The following IL1RAP variants were observed in gnomAD, a reference collection of about 807,000 sequenced individuals.
IL1RAP encodes the protein interleukin 1 receptor accessory protein, also known as interleukin-1 receptor accessory protein.
A neutral mutation model predicts 60.7 loss-of-function variants in IL1RAP; 35 were observed. That is an observed-to-expected ratio of 0.58 (90% CI 0.44 to 0.76). IL1RAP has a LOEUF of 0.76. IL1RAP is among the 30% of genes least tolerant of loss of function. IL1RAP has a pLI of 0.00. For missense variants in IL1RAP, 572 were observed against 693.9 expected (o/e 0.82, Z 1.97); for synonymous variants, 268 against 250.9 (o/e 1.07, Z -0.64).
intron 3 of IL1RAP, among the ~76,000 whole-genome samples, chr3:190,599,383 T>C (rs2108740763): frequency 6.6e-6 from 1 of 152,334 alleles, no homozygotes; most frequent in East Asian, 1.9e-4. Context: ...AGGTTCTAGG[T>C]TGGAAATACT....
At chr3:190,546,281 G>C (rs951177084) in intron 1 of IL1RAP, among the ~76,000 whole-genome samples, 1 of 152,078 alleles carries the variant, frequency 6.6e-6, no homozygotes, top group Non-Finnish European at 1.5e-5. Context: ...TCCCCTAAGA[G>C]GCTTTCTCCC....
intron 11 of IL1RAP, among the ~76,000 whole-genome samples, chr3:190,647,196 G>T (rs187434341): frequency 6.6e-6 from 1 of 152,270 alleles, no homozygotes; most frequent in East Asian, 1.9e-4. Context: ...TCAGCCTCCA[G>T]TGCCACTGCT....
Position 190,604,230 on chromosome 3 carries a change from T to C in IL1RAP, c.167T>C (p.Phe56Ser), listed in dbSNP as rs1320741454. 1 of 1,614,062 alleles carries C rather than the reference T, an allele frequency of 6.2e-7. No individual in the cohort carries two copies. The highest frequency in any genetic ancestry group is 2.2e-5 in the East Asian group (1 of 44,862). Residue 56 changes from phenylalanine to serine, a missense_variant, in exon 4 of 12, where the codon TTC becomes TCC. Transcript: ENST00000447382. ...CCACTCTTTGAACACTTCTTGAAAT[T>C]CAACTACAGCACAGCCCATTCAGCT... ...KCPLFEHFLK[F>S]NYSTAHSAGL...
At chr3:190,550,259 A>G (rs1190392096) in intron 1 of IL1RAP, 1 of 152,240 alleles carries the variant, frequency 6.6e-6, no homozygotes, top group Non-Finnish European at 1.5e-5. Flanking sequence ...ATTGGCAGGA[A>G]TTAGCCATTC....
In IL1RAP at chr3:190,624,081, C is replaced by A. The variant is rs1310895178; in HGVS notation, c.775+666C>A. Reference sequence around the variant, plus strand: ...TCCAAACCCAGTGAGAGGTGTTAACCTAAATAACAACAAAGACAATAGCTC... The same window carrying A: ...TCCAAACCCAGTGAGAGGTGTTAACATAAATAACAACAAAGACAATAGCTC... On this transcript the variant is annotated intron_variant, in intron 7 of 11. Transcript: ENST00000447382. Among the ~76,000 whole-genome samples, 29 of 152,090 alleles carry A rather than the reference C, an allele frequency of 1.9e-4. 1 individual carries two copies. Among genetic ancestry groups the A allele is most frequent in the Non-Finnish European group, 8.8e-5 (6 of 68,002 alleles).
At chr3:190,612,156 T>G (rs1407323122) in intron 5 of IL1RAP, among the ~76,000 whole-genome samples, 1 of 152,122 alleles carries the variant, frequency 6.6e-6, no homozygotes, top group East Asian at 1.9e-4. Flanking sequence ...TAGCTGTGCA[T>G]GAAATAAGAC....
chr3:190,623,639 C>G (rs1360179226), intron 7 of IL1RAP, among the ~76,000 whole-genome samples: 3 of 152,174 alleles, frequency 2.0e-5, no homozygotes, highest in Non-Finnish European at 2.9e-5. Context: ...TCCCTTCTCC[C>G]TCTGCTAGCC....
At chr3:190,514,785 C>G (rs1721361856) in intron 1 of IL1RAP, among the ~76,000 whole-genome samples, 1 of 152,128 alleles carries the variant, frequency 6.6e-6, no homozygotes, top group Admixed American at 6.5e-5. Flanking sequence ...GAGAGAGGAG[C>G]GAGGCCCGGG....
chr3:190,565,881 A>T (rs1726343139), intron 3 of IL1RAP, among the ~76,000 whole-genome samples: 1 of 151,102 alleles, frequency 6.6e-6, no homozygotes, highest in South Asian at 2.1e-4. Flanking sequence ...CCTACCAGTC[A>T]CTCTCTCTCC....
intron 3 of IL1RAP, among the ~76,000 whole-genome samples, chr3:190,576,836 G>A (rs1462233239): frequency 1.3e-5 from 2 of 152,138 alleles, no homozygotes; most frequent in South Asian, 2.1e-4. Flanking sequence ...TACAATGGCC[G>A]GGCGCGGTGG....
At chr3:190,564,641 C>T in intron 3 of IL1RAP, 1 of 361,012 alleles carries the variant, frequency 2.8e-6, no homozygotes, top group Non-Finnish European at 5.2e-6. Flanking sequence ...TTGCTTTTTT[C>T]CCTTACCTCA....
chr3:190,591,605 C>A (rs76105442), intron 3 of IL1RAP, among the ~76,000 whole-genome samples: 1 of 152,044 alleles, frequency 6.6e-6, no homozygotes, highest in Non-Finnish European at 1.5e-5. Flanking sequence ...TTATTTCATG[C>A]GCTGTCAGTC....
intron 5 of IL1RAP, among the ~76,000 whole-genome samples, chr3:190,619,630 C>A (rs1465040814): frequency 2.0e-5 from 3 of 151,326 alleles, no homozygotes; most frequent in Non-Finnish European, 1.5e-5. Context: ...GAGACTGAGG[C>A]AGGAGAAGTG....
In IL1RAP at chr3:190,648,446, CTGGCCTAGAAAATA is replaced by C; in HGVS notation, c.1461_1474del (p.Glu488SerfsTer26). The C allele has an allele frequency of 6.2e-7, 1 of 1,614,136 alleles. No individual in the cohort carries two copies. Among genetic ancestry groups the C allele is most frequent in the Non-Finnish European group, 8.5e-7 (1 of 1,180,012 alleles). On this transcript the variant is annotated frameshift_variant, in exon 12 of 12. Transcript: ENST00000447382. LOFTEE classifies it high-confidence loss of function. Reference sequence around the variant, plus strand: ...ACCCAAGCCCTCCTGGAGCTCAAGGCTGGCCTAGAAAATATGGCCTCTCGGGGCAACATCAACGT... The same window carrying C: ...ACCCAAGCCCTCCTGGAGCTCAAGGCTGGCCTCTCGGGGCAACATCAACGT...
chr3:190,530,889 T>G lies in IL1RAP; in HGVS notation c.-89+16670T>G, dbSNP rs143781872. Among the ~76,000 whole-genome samples, 629 of 152,328 alleles carry G rather than the reference T, an allele frequency of 4.1e-3. 3 individuals carry two copies. Among genetic ancestry groups the G allele is most frequent in the Admixed American group, 7.0e-3 (107 of 15,296 alleles). On this transcript the variant is annotated intron_variant, in intron 1 of 11. Transcript: ENST00000447382. Reference sequence around the variant, plus strand: ...TAACAGCTCTGCAAGGTCAGTTTTATCTGAATTATTACAAGTGAAAAAACT... The same window carrying G: ...TAACAGCTCTGCAAGGTCAGTTTTAGCTGAATTATTACAAGTGAAAAAACT...
chr3:190,555,069 A>T (rs954531542), intron 1 of IL1RAP, among the ~76,000 whole-genome samples: 18 of 152,056 alleles, frequency 1.2e-4, no homozygotes, highest in African/African-American at 4.3e-4. Flanking sequence ...TGAATTAGAG[A>T]GGTTATTAGT....
At chr3:190,629,754 CAA>C in intron 9 of IL1RAP, 1 of 1,174,158 alleles carries the variant, frequency 8.5e-7, no homozygotes, top group Non-Finnish European at 1.1e-6. Context: ...CAGTGAGACA[CAA>C]TTTTGTGTCT....
chr3:190,535,622 T>C (rs1723393931), intron 1 of IL1RAP, among the ~76,000 whole-genome samples: 1 of 152,208 alleles, frequency 6.6e-6, no homozygotes, highest in African/African-American at 2.4e-5. Context: ...TTAAGGTAAA[T>C]CTTCAGTTCT....
chr3:190,588,394 G>A (rs1219773689), intron 3 of IL1RAP, among the ~76,000 whole-genome samples: 1 of 152,228 alleles, frequency 6.6e-6, no homozygotes, highest in Non-Finnish European at 1.5e-5. Flanking sequence ...TTACAGGCGT[G>A]AGCCACCATG....
Sources: gnomAD v4.1 joint callset for allele counts (sites outside exome capture counted in the v4.1 genomes callset) on GRCh38, gnomAD v4.1.1 for gene constraint, MANE v1.5 for transcripts, NCBI Gene and HGNC (gene_info 2026-07-23, HGNC 2026-07-21) for gene names.